The following HGS variants were observed in gnomAD, a reference collection of about 807,000 sequenced individuals.
The protein encoded by HGS is hepatocyte growth factor-regulated tyrosine kinase substrate.
In HGS, 63 loss-of-function variants were observed where a neutral mutation model predicts 109.7. That is an observed-to-expected ratio of 0.57 (90% CI 0.47 to 0.71). HGS has a LOEUF of 0.71. Ranked by LOEUF, HGS falls within the 30% of genes least tolerant of loss-of-function variation. The pLI is 0.00. For missense variants in HGS, 995 were observed against 1,068.3 expected, an observed-to-expected ratio of 0.93 and a Z score of 0.96; for synonymous variants, 546 against 437.3, an observed-to-expected ratio of 1.25 and a Z score of -3.10.
Position 81,701,091 on chromosome 17 carries a change from A to C in HGS, c.2183A>C (p.Gln728Pro). ...LPSQDASLPPQQPYIAGQQPM... is the reference protein window; with the variant it reads ...LPSQDASLPPPQPYIAGQQPM... ...AGCCAGGATGCGTCTCTGCCACCCC[A>C]GCAGCCCTACATCGCGGGGCAGCAG... Residue 728 changes from glutamine (Q) to proline (P), a missense_variant, in exon 21 of 22, where the codon CAG becomes CCG. Physicochemically the swap from Gln to Pro is moderately conservative, Grantham distance 76. This residue lies in a region of HGS where 326 missense variants were observed against 309.7 expected (regional missense o/e 1.05). Transcript: ENST00000329138. The C allele has an allele frequency of 6.2e-7, 1 of 1,614,032 alleles. No individual in the cohort carries two copies. The highest frequency in any genetic ancestry group is 2.2e-5 in the East Asian group (1 of 44,882).
At chr17:81,698,031 T>A (rs1376952956) in intron 18 of HGS, 2 of 150,790 alleles carry the variant, frequency 1.3e-5, no homozygotes, top group African/African-American at 4.9e-5. Context: ...CTGGGTGCGG[T>A]GGCTCACGCC....
At chr17:81,684,827 C>T (rs2036947417) in intron 1 of HGS, 3 of 880,862 alleles carry the variant, frequency 3.4e-6, no homozygotes, top group Admixed American at 6.2e-5. Flanking sequence ...TTCAAGGAGA[C>T]TTCAAGTGAG....
intron 1 of HGS, chr17:81,684,408 C>T: frequency 3.2e-6 from 1 of 310,784 alleles, no homozygotes; most frequent in Non-Finnish European, 5.9e-6. Context: ...GACCGACGAG[C>T]ACCCGGCCGA....
chr17:81,693,630 C>T (rs1568215919), intron 9 of HGS, 24 bp from the exon 10 acceptor site: 1 of 1,549,580 alleles, frequency 6.5e-7, no homozygotes, highest in Non-Finnish European at 8.8e-7. Context: ...GGCGCCCCCC[C>T]TCACCCTCCC....
rs773368887 is a variant in HGS, at chr17:81,696,503, C to T, written c.1540C>T (p.Leu514=). ...RQRQIQLAQK[L]EIMRQKKQEY... is the part of the protein sequence containing the mutation. ...GCGCCAGATCCAGCTGGCCCAGAAG[C>T]TGGAGATAATGCGGCAGAAGAAGCA... Residue 514 remains leucine (L), a synonymous_variant, in exon 16 of 22, where the codon CTG becomes TTG. Transcript: ENST00000329138. 5 of 1,528,104 alleles carry T rather than the reference C, an allele frequency of 3.3e-6. No homozygotes were observed. The South Asian group carries it at 6.2e-5, about 19-fold the overall frequency. 94.7% of individuals were successfully genotyped at this position (1,528,104 alleles called of 1,614,324 possible). A position where few individuals can be genotyped will look rare whatever the true frequency, so the allele number is the denominator to read the frequency against.
intron 5 of HGS, among the ~76,000 whole-genome samples, chr17:81,689,429 C>T (rs1293398924): frequency 2.6e-5 from 4 of 152,136 alleles, no homozygotes; most frequent in Admixed American, 6.5e-5. Flanking sequence ...CCATTGTGGC[C>T]GTGGAGAACT....
chr17:81,698,942 C>G (rs2037193460), intron 18 of HGS, among the ~76,000 whole-genome samples: 1 of 152,062 alleles, frequency 6.6e-6, no homozygotes, highest in Non-Finnish European at 1.5e-5. Flanking sequence ...TGGTGCACAC[C>G]TGTAATCCCA....
intron 1 of HGS, among the ~76,000 whole-genome samples, chr17:81,685,253 T>C (rs1820672960): frequency 6.6e-6 from 1 of 152,212 alleles, no homozygotes; most frequent in Non-Finnish European, 1.5e-5. Flanking sequence ...GGGTTCTTTG[T>C]TGAGAAGCAG....
chr17:81,685,154 C>T (rs1688414047), intron 1 of HGS: 1 of 753,780 alleles, frequency 1.3e-6, no homozygotes. Flanking sequence ...GGAGTCTACA[C>T]TGCAGGCCTC....
In HGS at chr17:81,695,215, T is replaced by A; in HGVS notation, c.1171T>A (p.Phe391Ile). Residue 391 changes from phenylalanine (F) to isoleucine (I), a missense_variant, in exon 14 of 22, where the codon TTT (phenylalanine) becomes ATT (isoleucine). Coordinates refer to ENST00000329138, the MANE Select transcript of HGS (RefSeq NM_004712.5). ...GCCCATTCCTCCCTCTGGTGGCCCC[T>A]TTAGTGAGGTAAGCTGTGGCTCCCT... ...SQPIPPSGGP[F>I]SEPQFHNGES... The A allele has an allele frequency of 6.2e-7, 1 of 1,614,128 alleles. No individual in the cohort carries two copies. The highest frequency in any genetic ancestry group is 8.5e-7 in the Non-Finnish European group (1 of 1,179,956).
chr17:81,686,789 C>T (rs535749891), intron 3 of HGS, among the ~76,000 whole-genome samples: 3 of 151,806 alleles, frequency 2.0e-5, no homozygotes, highest in Admixed American at 6.5e-5. Flanking sequence ...CGGCCACTGA[C>T]GGGCCTGTCG....
At chr17:81,697,845 G>A (rs895293618) in intron 18 of HGS, 1 of 152,110 alleles carries the variant, frequency 6.6e-6, no homozygotes, top group Admixed American at 6.6e-5. Context: ...ACACTCCTCT[G>A]TCATCACTCT....
At chr17:81,697,025 T>C (rs2037162320) in intron 18 of HGS, 27 bp downstream of exon 18, 1 of 1,527,368 alleles carries the variant, frequency 6.5e-7, no homozygotes, top group Non-Finnish European at 8.8e-7. Flanking sequence ...GCAGAGACCA[T>C]GCCTTTTATC....
intron 7 of HGS, 32 bp downstream of exon 7, chr17:81,690,774 C>T (rs375425075): frequency 3.2e-5 from 50 of 1,587,162 alleles, no homozygotes; most frequent in Non-Finnish European, 3.9e-5. Context: ...TCTACAGCCC[C>T]GGCCAGACAC....
chr17:81,691,512 C>T lies in HGS; in HGVS notation c.603C>T (p.Pro201=), dbSNP rs1354838897. The T allele has an allele frequency of 1.9e-6, 3 of 1,614,176 alleles. No individual in the cohort carries two copies. Among genetic ancestry groups the T allele is most frequent in the South Asian group, 2.2e-5 (2 of 91,090 alleles). Residue 201 remains proline, a synonymous_variant, in exon 8 of 22, where the codon CCC becomes CCT. Transcript: ENST00000329138. The surrounding 1 kb of genome is among the most constrained non-coding windows in gnomAD (Gnocchi z 5.3). The part of the protein sequence containing the change: ...GKCSSKYSTI[P]KFGIEKEVRV... Reference sequence around the variant, plus strand: ...GTTCTTCCAAGTACTCCACCATCCCCAAGTTTGGCATCGAGAAGGAGGTGC... The same window carrying T: ...GTTCTTCCAAGTACTCCACCATCCCTAAGTTTGGCATCGAGAAGGAGGTGC...
At chr17:81,697,349 G>GCCCCCCCCC (rs59387473) in intron 18 of HGS, 9 of 61,802 alleles carry the variant, frequency 1.5e-4, no homozygotes, top group African/African-American at 5.3e-4. Flanking sequence ...CGTGGCATTT[G>GCCCCCCCCC]CCCCCCCCCC....
intron 1 of HGS, 37 bp downstream of exon 1, chr17:81,684,140 G>C: frequency 3.3e-6 from 5 of 1,493,686 alleles, no homozygotes; most frequent in Non-Finnish European, 4.5e-6. Context: ...GCCTTGGTCA[G>C]CCCGCAGCCT....
intron 18 of HGS, chr17:81,697,235 T>C (rs1395912908): frequency 6.3e-6 from 3 of 474,368 alleles, no homozygotes; most frequent in South Asian, 3.7e-5. Flanking sequence ...ACAGCGAGCA[T>C]TTCCTGAAAC....
At chr17:81,695,725 C>T (rs2144499869) in intron 14 of HGS, 61 bp from the exon 15 acceptor site, 2 of 1,510,838 alleles carry the variant, frequency 1.3e-6, no homozygotes, top group Non-Finnish European at 1.8e-6. Flanking sequence ...CATCCCAGGC[C>T]CCACCAGGGA....
Sources: allele counts gnomAD v4.1 joint callset (sites outside exome capture counted in the v4.1 genomes callset), GRCh38; gene constraint gnomAD v4.1.1; regional missense constraint gnomAD v4.1.1; non-coding constraint Gnocchi (gnomAD v3.1); transcripts MANE v1.5; gene names NCBI Gene and HGNC (gene_info 2026-07-23, HGNC 2026-07-21).